The following GAMT variants were observed in gnomAD, a reference collection of about 807,000 sequenced individuals.
GAMT encodes the protein guanidinoacetate N-methyltransferase, also known as epididymis secretory protein Li 20.
In GAMT, 26 loss-of-function variants were observed where a neutral mutation model predicts 26.9. The observed-to-expected ratio is 0.97, with a 90% CI of 0.71 to 1.34. The LOEUF is 1.34. Ranked by LOEUF, GAMT falls within the 40% of genes most tolerant of loss-of-function variation. GAMT has a pLI of 0.00. For synonymous variants in GAMT, 169 were observed against 149.6 expected, an observed-to-expected ratio of 1.13 and a Z score of -0.95; for missense variants, 412 against 345.0, an observed-to-expected ratio of 1.19 and a Z score of -1.54.
chr19:1,397,952 A>G, intron 5 of GAMT: 2 of 1,067,756 alleles, frequency 1.9e-6, no homozygotes, highest in Non-Finnish European at 2.3e-6. Context: ...CAGAGGGAAC[A>G]GCGAGACAAG....
At position 1,397,139 on chromosome 19, in the gene GAMT, C is replaced by T. The variant is rs931627848; in HGVS notation, c.*220G>A. The stretch of plus-strand genomic sequence containing the variant: ...GCCGGCGTTTACTTCACCTCAGGGA[C>T]CCTGCAGTGGGCAGCAGTGACCCTC... On this transcript the variant is annotated 3_prime_UTR_variant, in exon 6 of 6. Coordinates refer to ENST00000252288, the MANE Select transcript of GAMT (RefSeq NM_000156.6). The T allele has an allele frequency of 1.7e-6, 1 of 603,440 alleles. No homozygotes were observed. The highest frequency in any genetic ancestry group is 2.1e-5 in the South Asian group (1 of 48,264). 37.4% of individuals were successfully genotyped at this position (603,440 alleles called of 1,614,324 possible). A position where few individuals can be genotyped will look rare whatever the true frequency, so the allele number is the denominator to read the frequency against.
rs2082605210 is a variant in GAMT at position 1,397,284 on chromosome 19, C to A, written c.*75G>T. 1.3e-6 allele frequency: 2 copies of A among 1,510,470 alleles called. No homozygotes were observed. The highest frequency in any genetic ancestry group is 1.9e-5 in the Admixed American group (1 of 51,310). The allele number at this position is 1,510,470 out of a possible 1,614,324, so 93.6% of individuals were successfully genotyped here. On this transcript the variant is annotated 3_prime_UTR_variant, in exon 6 of 6. Coordinates refer to ENST00000252288, the MANE Select transcript of GAMT (RefSeq NM_000156.6). ...ACACACAGCTGGGATCAGCCCAGGG[C>A]TGGTGCGACACCCTGGACTCCCGGC...
At chr19:1,397,650 C>T in intron 5 of GAMT, 151 bp from the exon 6 acceptor site, 1 of 1,414,782 alleles carries the variant, frequency 7.1e-7, no homozygotes, top group Non-Finnish European at 9.5e-7. Flanking sequence ...GCCCTGGAAG[C>T]CCAGGTGTGA....
Position 1,399,718 on chromosome 19 carries a change from G to T in GAMT, c.327+75C>A. The T allele has an allele frequency of 6.5e-7, 1 of 1,528,896 alleles. No homozygotes were observed. 94.7% of individuals were successfully genotyped at this position (1,528,896 alleles called of 1,614,324 possible). On this transcript the variant is annotated intron_variant, in intron 2 of 5. Coordinates refer to ENST00000252288, the MANE Select transcript of GAMT (RefSeq NM_000156.6). This position sits in a 1 kb window ranked among gnomAD's most constrained non-coding sequence, Gnocchi z 6.2. ...CCTCCTCCACCTCTGACAGCCCCAGGCCCCCAACCCCCAGGAAGCAGTGCC... is the reference window on the plus strand; with the variant it reads ...CCTCCTCCACCTCTGACAGCCCCAGTCCCCCAACCCCCAGGAAGCAGTGCC...
In GAMT at chr19:1,399,299, C is replaced by T. The variant is rs1392185403; in HGVS notation, c.392-104G>A. On this transcript the variant is annotated intron_variant, in intron 3 of 5. Coordinates refer to ENST00000252288, the MANE Select transcript of GAMT (RefSeq NM_000156.6). The surrounding 1 kb of genome is among the most constrained non-coding windows in gnomAD (Gnocchi z 6.2). ...GGGTGGAGGTGCAGTGAGACGGGGC[C>T]GTGGGTAGAGGTGGGGCTCCCACAC... The T allele has an allele frequency of 8.9e-6, 12 of 1,343,130 alleles. No homozygotes were observed. The highest frequency in any genetic ancestry group is 2.9e-5 in the African/African-American group (2 of 69,466). The allele number at this position is 1,343,130 out of a possible 1,614,324, so 83.2% of individuals were successfully genotyped here.
rs199678332 is a variant in GAMT at position 1,398,911 on chromosome 19, C to A, written c.570+5G>T. Reference sequence around the variant, plus strand: ...AGACCCATGGGGAACTTCAGGTGGGCGCACCTCAAACATGATGGTGATGTC... The same window carrying A: ...AGACCCATGGGGAACTTCAGGTGGGAGCACCTCAAACATGATGGTGATGTC... On this transcript the variant is annotated splice_donor_5th_base_variant and intron_variant, in intron 5 of 5. Coordinates refer to ENST00000252288, the MANE Select transcript of GAMT (RefSeq NM_000156.6). 96 of 1,613,156 alleles carry A rather than the reference C, an allele frequency of 6.0e-5. No individual in the cohort carries two copies. The South Asian group carries it at 9.6e-4, about 16-fold the overall frequency.
intron 5 of GAMT, chr19:1,398,667 C>A (rs964821999): frequency 5.6e-5 from 76 of 1,354,636 alleles, no homozygotes; most frequent in Middle Eastern, 1.9e-4. Flanking sequence ...TGGTCTTGAA[C>A]TCCTAGGCTC....
intron 1 of GAMT, among the ~76,000 whole-genome samples, chr19:1,401,019 G>T (rs1352943709): frequency 2.0e-5 from 3 of 152,190 alleles, no homozygotes; most frequent in African/African-American, 7.2e-5. Context: ...TTTCACCCAG[G>T]TCTCACGTTT....
Position 1,397,771 on chromosome 19 carries a change from G to T in GAMT, c.571-272C>A, listed in dbSNP as rs1291629987. On this transcript the variant is annotated intron_variant, in intron 5 of 5. Coordinates refer to ENST00000252288, the MANE Select transcript of GAMT (RefSeq NM_000156.6). The stretch of plus-strand genomic sequence containing the variant: ...CCTACTCCACAGTTCTCCAGACCTT[G>T]CCAGTGTGGCGGGTGGAGCCAAAGA... 2.9e-6 allele frequency: 4 copies of T among 1,362,242 alleles called. No homozygotes were observed. In the South Asian group the frequency reaches 6.5e-5, roughly 22 times the overall value. The allele number at this position is 1,362,242 out of a possible 1,614,324, so 84.4% of individuals were successfully genotyped here. A position where few individuals can be genotyped will look rare whatever the true frequency, so the allele number is the denominator to read the frequency against.
At chr19:1,397,567 C>T in intron 5 of GAMT, 68 bp from the exon 6 acceptor site, 3 of 1,588,082 alleles carry the variant, frequency 1.9e-6, no homozygotes, top group African/African-American at 2.7e-5. Flanking sequence ...GCGCCCACCC[C>T]TCATTGAAGA....
chr19:1,397,509 G>A lies in GAMT; in HGVS notation c.571-10C>T, dbSNP rs1419193302. ...CGGGCACCTGCGTCTCCTGGTCGGG[G>A]ATGGCACCAGGTCACCTCTGAGGGC... On this transcript the variant is annotated splice_polypyrimidine_tract_variant and intron_variant, in intron 5 of 5. Coordinates refer to ENST00000252288, the MANE Select transcript of GAMT (RefSeq NM_000156.6). The A allele has an allele frequency of 6.2e-7, 1 of 1,601,450 alleles. No individual in the cohort carries two copies. The highest frequency in any genetic ancestry group is 8.5e-7 in the Non-Finnish European group (1 of 1,179,798).
intron 5 of GAMT, chr19:1,398,623 TA>T: frequency 1.1e-6 from 1 of 883,772 alleles, no homozygotes. Flanking sequence ...TTTTTTTTTT[TA>T]GGAAAGATGA....
chr19:1,401,467 G>A lies in GAMT; in HGVS notation c.10C>T (p.Pro4Ser), dbSNP rs1033754572. Residue 4 changes from proline (P) to serine (S), a missense_variant, in exon 1 of 6, where the codon CCC (proline) becomes TCC (serine). Transcript: ENST00000252288. MSA[P>S]SATPIFAPGE... ...GGCGCGAAGATGGGGGTCGCGCTGGGGGCGCTCATGCTGCAGGCTGGACGG... is the reference window on the plus strand; with the variant it reads ...GGCGCGAAGATGGGGGTCGCGCTGGAGGCGCTCATGCTGCAGGCTGGACGG... 7.3e-7 allele frequency: 1 copy of A among 1,369,358 alleles called. No homozygotes were observed. Among genetic ancestry groups the A allele is most frequent in the Non-Finnish European group, 9.4e-7 (1 of 1,060,502 alleles). The allele number at this position is 1,369,358 out of a possible 1,614,324, so 84.8% of individuals were successfully genotyped here.
At chr19:1,400,233 T>G (rs1600159703) in intron 1 of GAMT, among the ~76,000 whole-genome samples, 1 of 69,466 alleles carries the variant, frequency 1.4e-5, no homozygotes, top group Non-Finnish European at 2.8e-5. Context: ...GAAGAGGGGG[T>G]GCAGAGCAGG....
At chr19:1,398,546 C>T in intron 5 of GAMT, 1 of 613,958 alleles carries the variant, frequency 1.6e-6, no homozygotes, top group East Asian at 2.8e-5. Flanking sequence ...AGCAATCCTC[C>T]TACCTCAGCC....
chr19:1,399,709 C>G lies in GAMT; in HGVS notation c.327+84G>C. 2 of 1,527,554 alleles carry G rather than the reference C, an allele frequency of 1.3e-6. No individual in the cohort carries two copies. The highest frequency in any genetic ancestry group is 1.8e-6 in the Non-Finnish European group (2 of 1,136,562). 94.6% of individuals were successfully genotyped at this position (1,527,554 alleles called of 1,614,324 possible). A position where few individuals can be genotyped will look rare whatever the true frequency, so the allele number is the denominator to read the frequency against. On this transcript the variant is annotated intron_variant, in intron 2 of 5. Transcript: ENST00000252288. The surrounding 1 kb of genome is among the most constrained non-coding windows in gnomAD (Gnocchi z 6.2). ...AGAAGACCACCTCCTCCACCTCTGA[C>G]AGCCCCAGGCCCCCAACCCCCAGGA...
Position 1,401,285 on chromosome 19 carries a change from G to T in GAMT, c.181+11C>A. Reference sequence around the variant, plus strand: ...CGCCCCCGGGGGCGGTGCAGGCCGGGCGGGGGCTACCTTTGGAGGAGGCGG... The same window carrying T: ...CGCCCCCGGGGGCGGTGCAGGCCGGTCGGGGGCTACCTTTGGAGGAGGCGG... On this transcript the variant is annotated intron_variant, in intron 1 of 5. Transcript: ENST00000252288. 1 of 1,482,962 alleles carries T rather than the reference G, an allele frequency of 6.7e-7. No individual in the cohort carries two copies. Among genetic ancestry groups the T allele is most frequent in the Non-Finnish European group, 8.9e-7 (1 of 1,120,574 alleles). 91.9% of individuals were successfully genotyped at this position (1,482,962 alleles called of 1,614,324 possible).
chr19:1,398,725 T>C (rs1342753175), intron 5 of GAMT, 191 bp downstream of exon 5: 1 of 1,541,984 alleles, frequency 6.5e-7, no homozygotes, highest in Admixed American at 2.0e-5. Context: ...ATTATAGACC[T>C]GAGCCACTGC....
Position 1,398,961 on chromosome 19 carries a change from C to A in GAMT, c.525G>T (p.Gly175=). 6 of 1,613,362 alleles carry A rather than the reference C, an allele frequency of 3.7e-6. No homozygotes were observed. Among genetic ancestry groups the A allele is most frequent in the Non-Finnish European group, 5.1e-6 (6 of 1,179,964 alleles). Residue 175 remains glycine (G), a synonymous_variant, in exon 5 of 6, where the codon GGG becomes GGT. Transcript: ENST00000252288. ...CTGAGTACTTGGACTTCATCAGCTC[C>A]CCCCAGGAGGTGAGGTTGCAGTAGG... ...VLTYCNLTSW[G]ELMKSKYSDI...
Sources: gnomAD v4.1 joint callset for allele counts (sites outside exome capture counted in the v4.1 genomes callset) on GRCh38, gnomAD v4.1.1 for gene constraint, Gnocchi (gnomAD v3.1) non-coding constraint, MANE v1.5 for transcripts, NCBI Gene and HGNC (gene_info 2026-07-23, HGNC 2026-07-21) for gene names.